Variants in LMO3 observed in about 807,000 individuals in gnomAD.
LMO3 encodes the protein LIM domain only 3.
In LMO3, 2 loss-of-function variants were observed where a neutral mutation model predicts 15.8. That is an observed-to-expected ratio of 0.13 (90% CI 0.05 to 0.40). LMO3 has a LOEUF of 0.40. Among genes scored for constraint, LMO3 ranks in the 10% least tolerant of loss-of-function variants. The pLI is 0.99. For missense variants in LMO3, 86 were observed against 182.2 expected, an observed-to-expected ratio of 0.47 and a Z score of 3.04; for synonymous variants, 62 against 63.8, an observed-to-expected ratio of 0.97 and a Z score of 0.13.
In LMO3 at chr12:16,585,374, T is replaced by C. The variant is rs1292752381; in HGVS notation, c.206+15281A>G. ...AGTGGATTAACTTTATGTTAAACAATCACTTGGCCACAAAGATTAATATTA... is the reference window on the plus strand; with the variant it reads ...AGTGGATTAACTTTATGTTAAACAACCACTTGGCCACAAAGATTAATATTA... On this transcript the variant is annotated intron_variant, in intron 2 of 3. Coordinates refer to ENST00000537304, the MANE Select transcript of LMO3 (RefSeq NM_018640.5). This position sits in a 1 kb window ranked among gnomAD's most constrained non-coding sequence, Gnocchi z 4.7. Among the ~76,000 whole-genome samples the C allele has an allele frequency of 2.0e-5, 3 of 152,178 alleles. No homozygotes were observed. Among genetic ancestry groups the C allele is most frequent in the African/African-American group, 7.2e-5 (3 of 41,448 alleles).
rs1419364762 is a variant in LMO3 at position 16,584,124 on chromosome 12, C to T, written c.206+16531G>A. The stretch of plus-strand genomic sequence containing the variant: ...GTCATCTCTAAGCCTTTTAGAATCC[C>T]TAGAATTGTGGTAAGAGGGAAATGA... On this transcript the variant is annotated intron_variant, in intron 2 of 3. Transcript: ENST00000537304. This position sits in a 1 kb window ranked among gnomAD's most constrained non-coding sequence, Gnocchi z 5.2. Among the ~76,000 whole-genome samples the T allele has an allele frequency of 1.3e-5, 2 of 152,068 alleles. No homozygotes were observed. The highest frequency in any genetic ancestry group is 4.8e-5 in the African/African-American group (2 of 41,402).
rs1943706425 is a variant in LMO3 at position 16,597,863 on chromosome 12, T to A, written c.206+2792A>T. 1 of 151,918 alleles carries A rather than the reference T, an allele frequency of 6.6e-6. No homozygotes were observed. Among genetic ancestry groups the A allele is most frequent in the Non-Finnish European group, 1.5e-5 (1 of 67,844 alleles). 9.4% of individuals were successfully genotyped at this position (151,918 alleles called of 1,614,324 possible). A position where few individuals can be genotyped will look rare whatever the true frequency, so the allele number is the denominator to read the frequency against. On this transcript the variant is annotated intron_variant, in intron 2 of 3. Transcript: ENST00000537304. The surrounding 1 kb of genome is among the most constrained non-coding windows in gnomAD (Gnocchi z 5.0). ...TTGGAGGAAAATGAGAAAAATTACT[T>A]TTAAAGCTCAGGAAAATAACCACAG...
In LMO3 at chr12:16,593,618, A is replaced by C. The variant is rs1393465825; in HGVS notation, c.206+7037T>G. ...CACAGAAGCAAAAAATGGCACAAGC[A>C]AATGCACAGTTGGCTGATGTAGTTA... is the stretch of plus-strand genomic sequence containing the variant. On this transcript the variant is annotated intron_variant, in intron 2 of 3. Coordinates refer to ENST00000537304, the MANE Select transcript of LMO3 (RefSeq NM_018640.5). This position sits in a 1 kb window ranked among gnomAD's most constrained non-coding sequence, Gnocchi z 4.2. Among the ~76,000 whole-genome samples, 1 of 151,846 alleles carries C rather than the reference A, an allele frequency of 6.6e-6. No homozygotes were observed. Among genetic ancestry groups the C allele is most frequent in the Non-Finnish European group, 1.5e-5 (1 of 67,796 alleles).
chr12:16,602,659 C>T (rs1943860344), intron 1 of LMO3, among the ~76,000 whole-genome samples: 1 of 152,058 alleles, frequency 6.6e-6, no homozygotes. Flanking sequence ...TAATCATAAC[C>T]CTTGATAGCT....
At chr12:16,607,812 C>A (rs1188442815), upstream of LMO3, 2 of 149,690 alleles carry the variant, frequency 1.3e-5, no homozygotes. Context: ...TGTTTTTCTT[C>A]ATAAAGAATA....
chr12:16,572,629 T>C (rs1178485811), intron 2 of LMO3, among the ~76,000 whole-genome samples: 1 of 148,728 alleles, frequency 6.7e-6, no homozygotes, highest in East Asian at 1.9e-4. Flanking sequence ...ATCCAACTTC[T>C]AACTTGTAAA....
At chr12:16,579,185 T>A (rs1240872262) in intron 2 of LMO3, among the ~76,000 whole-genome samples, 1 of 152,284 alleles carries the variant, frequency 6.6e-6, no homozygotes, top group East Asian at 1.9e-4. Flanking sequence ...ATATATATAT[T>A]CCCTTAGATA....
chr12:16,549,260 G>A lies in LMO3; in HGVS notation c.*1962C>T, dbSNP rs1483408711. On this transcript the variant is annotated 3_prime_UTR_variant, in exon 4 of 4. Transcript: ENST00000537304. Reference sequence around the variant, plus strand: ...CATGAAACAAGTGTAAGGCTCTAAGGCTAAAATAATAGTTATTTTTGTGGG... The same window carrying A: ...CATGAAACAAGTGTAAGGCTCTAAGACTAAAATAATAGTTATTTTTGTGGG... 1 of 151,996 alleles carries A rather than the reference G, an allele frequency of 6.6e-6. No homozygotes were observed. The highest frequency in any genetic ancestry group is 1.5e-5 in the Non-Finnish European group (1 of 67,988). The allele number at this position is 151,996 out of a possible 1,614,324, so 9.4% of individuals were successfully genotyped here. A position where few individuals can be genotyped will look rare whatever the true frequency, so the allele number is the denominator to read the frequency against.
At chr12:16,570,333 C>T (rs1320815742) in intron 2 of LMO3, among the ~76,000 whole-genome samples, 3 of 151,910 alleles carry the variant, frequency 2.0e-5, no homozygotes, top group Non-Finnish European at 2.9e-5. Context: ...CTTTTTCATC[C>T]TTTTCTTTCC....
At chr12:16,561,421 G>A (rs2137341238) in intron 2 of LMO3, among the ~76,000 whole-genome samples, 1 of 152,184 alleles carries the variant, frequency 6.6e-6, no homozygotes, top group Admixed American at 6.5e-5. Flanking sequence ...CAAACTAGAT[G>A]AAAAACACCA....
chr12:16,567,409 A>T (rs911834097), intron 2 of LMO3: 1 of 152,706 alleles, frequency 6.5e-6, no homozygotes, highest in Non-Finnish European at 1.5e-5. Flanking sequence ...TAACTCAGGG[A>T]TAGAATACGA....
At chr12:16,564,586 T>C (rs1942525050) in intron 2 of LMO3, among the ~76,000 whole-genome samples, 1 of 152,198 alleles carries the variant, frequency 6.6e-6, no homozygotes, top group African/African-American at 2.4e-5. Flanking sequence ...CACCAGATGT[T>C]TCTATAGATT....
At chr12:16,579,697 T>G (rs1051824556) in intron 2 of LMO3, among the ~76,000 whole-genome samples, 2 of 152,216 alleles carry the variant, frequency 1.3e-5, no homozygotes, top group African/African-American at 4.8e-5. Flanking sequence ...TACTAGGCAC[T>G]CAGTAAGAAT....
chr12:16,573,869 C>G (rs1248926055), intron 2 of LMO3: 1 of 152,288 alleles, frequency 6.6e-6, no homozygotes, highest in African/African-American at 2.4e-5. Context: ...AAATCACCGT[C>G]TGGAGGCCAC....
rs975502124 is a variant in LMO3 at position 16,593,821 on chromosome 12, T to C, written c.206+6834A>G. Among the ~76,000 whole-genome samples the C allele has an allele frequency of 6.6e-6, 1 of 151,770 alleles. No individual in the cohort carries two copies. Among genetic ancestry groups the C allele is most frequent in the Admixed American group, 6.6e-5 (1 of 15,210 alleles). The stretch of plus-strand genomic sequence containing the variant: ...ATGCCACATTTCTTGCTTCACAGTA[T>C]AAACTTCCACTTCAAAATAAGCTTC... On this transcript the variant is annotated intron_variant, in intron 2 of 3. Coordinates refer to ENST00000537304, the MANE Select transcript of LMO3 (RefSeq NM_018640.5). This position sits in a 1 kb window ranked among gnomAD's most constrained non-coding sequence, Gnocchi z 4.2.
At chr12:16,565,560 A>C (rs1942570949) in intron 2 of LMO3, among the ~76,000 whole-genome samples, 1 of 152,210 alleles carries the variant, frequency 6.6e-6, no homozygotes, top group South Asian at 2.1e-4. Context: ...AAAAGTAAAA[A>C]AGAAAACACT....
rs1329927443 is a variant in LMO3, at chr12:16,576,505, GAATA to G, written c.207-15971_207-15968del. On this transcript the variant is annotated intron_variant, in intron 2 of 3. Coordinates refer to ENST00000537304, the MANE Select transcript of LMO3 (RefSeq NM_018640.5). The surrounding 1 kb of genome is among the most constrained non-coding windows in gnomAD (Gnocchi z 4.1). Reference sequence around the variant, plus strand: ...AAGCCTCTCTGATTTCCTTGAGGCAGAATAAATAACACACTTCTTTAGACATTTA... The same window carrying G: ...AAGCCTCTCTGATTTCCTTGAGGCAGAATAACACACTTCTTTAGACATTTA... Among the ~76,000 whole-genome samples the G allele has an allele frequency of 6.6e-6, 1 of 152,168 alleles. No individual in the cohort carries two copies. Among genetic ancestry groups the G allele is most frequent in the Admixed American group, 6.5e-5 (1 of 15,270 alleles).
At chr12:16,600,291 C>CAAAAAAAAAAAAAAAAA (rs35993210) in intron 2 of LMO3, 68 of 69,678 alleles carry the variant, frequency 9.8e-4, no homozygotes, top group Admixed American at 1.3e-3. Context: ...CCTTAAGCTC[C>CAAAAAAAAAAAAAAAAA]AAAAAAAAAA....
chr12:16,552,637 A>G (rs1173150587), intron 3 of LMO3, among the ~76,000 whole-genome samples: 1 of 152,056 alleles, frequency 6.6e-6, no homozygotes, highest in Non-Finnish European at 1.5e-5. Context: ...TCTTAAAGGA[A>G]AATTGGTCTA....
Sources: gnomAD v4.1 joint callset for allele counts (sites outside exome capture counted in the v4.1 genomes callset) on GRCh38, gnomAD v4.1.1 for gene constraint, Gnocchi (gnomAD v3.1) non-coding constraint, MANE v1.5 for transcripts, NCBI Gene and HGNC (gene_info 2026-07-23, HGNC 2026-07-21) for gene names.